DNM3: variants seen among roughly 807,000 people sequenced by gnomAD.
DNM3 encodes the protein dynamin-3.
DNM3 carries 47 observed loss-of-function variants against 101.6 expected under a neutral mutation model. That is an observed-to-expected ratio of 0.46 (90% CI 0.37 to 0.59). The LOEUF is 0.59. Ranked by LOEUF, DNM3 falls within the 20% of genes least tolerant of loss-of-function variation. DNM3 has a pLI of 0.00. For missense variants in DNM3, 849 were observed against 1,085.7 expected (o/e 0.78, Z 3.06); for synonymous variants, 385 against 387.9 (o/e 0.99, Z 0.09).
chr1:171,841,550 C>G lies in DNM3; in HGVS notation c.-107C>G. Reference sequence around the variant, plus strand: ...CTCCGACGTCTGCGCCAGGACCTGGCTGGCTGAGCCCGGCGCAGCAGCAGC... The same window carrying G: ...CTCCGACGTCTGCGCCAGGACCTGGGTGGCTGAGCCCGGCGCAGCAGCAGC... On this transcript the variant is annotated 5_prime_UTR_variant, in exon 1 of 21. Coordinates refer to ENST00000627582, the MANE Select transcript of DNM3 (RefSeq NM_015569.5). 1 of 1,447,272 alleles carries G rather than the reference C, an allele frequency of 6.9e-7. No homozygotes were observed. The highest frequency in any genetic ancestry group is 9.1e-7 in the Non-Finnish European group (1 of 1,095,046). The allele number at this position is 1,447,272 out of a possible 1,614,324, so 89.7% of individuals were successfully genotyped here. A position where few individuals can be genotyped will look rare whatever the true frequency, so the allele number is the denominator to read the frequency against.
chr1:172,251,567 C>T (rs1488714780), intron 14 of DNM3, among the ~76,000 whole-genome samples: 1 of 151,950 alleles, frequency 6.6e-6, no homozygotes, highest in Admixed American at 6.6e-5. Context: ...TTTCATGTTC[C>T]CCAGGCTGCA....
intron 1 of DNM3, among the ~76,000 whole-genome samples, chr1:171,899,483 C>G (rs966876291): frequency 6.6e-6 from 1 of 152,148 alleles, no homozygotes; most frequent in Non-Finnish European, 1.5e-5. Flanking sequence ...ATTTCCTTGC[C>G]TACTTTGCAT....
chr1:172,253,732 T>A, intron 15 of DNM3, 50 bp downstream of exon 15: 1 of 1,281,246 alleles, frequency 7.8e-7, no homozygotes, highest in Non-Finnish European at 1.1e-6. Flanking sequence ...CTTGAAGTTC[T>A]ACATGATTCA....
chr1:172,045,286 TG>T (rs2049703727), intron 9 of DNM3, among the ~76,000 whole-genome samples: 1 of 152,176 alleles, frequency 6.6e-6, no homozygotes, highest in Non-Finnish European at 1.5e-5. Context: ...ACAGACTGGG[TG>T]GCTTATAAAC....
At position 172,412,548 on chromosome 1, in the gene DNM3, C is replaced by A. The variant is rs931825742; in HGVS notation, c.*4707C>A. ...ATTAATATGAGCCGGATACTTTCCA[C>A]TGTCTTCTTGGCACTTTCAGGATTT... On this transcript the variant is annotated 3_prime_UTR_variant, in exon 21 of 21. Coordinates refer to ENST00000627582, the MANE Select transcript of DNM3 (RefSeq NM_015569.5). The A allele has an allele frequency of 1.0e-6, 1 of 985,558 alleles. No homozygotes were observed. The allele number at this position is 985,558 out of a possible 1,614,324, so 61.1% of individuals were successfully genotyped here.
chr1:172,378,140 G>A (rs1247659223), intron 17 of DNM3: 1 of 152,052 alleles, frequency 6.6e-6, no homozygotes, highest in Non-Finnish European at 1.5e-5. Flanking sequence ...CCTGTGTCAT[G>A]TTCTGGGGCT....
chr1:172,279,654 T>G lies in DNM3; in HGVS notation c.1769+25972T>G, dbSNP rs148864509. On this transcript the variant is annotated intron_variant, in intron 15 of 20. Transcript: ENST00000627582. ...AGACATGCTCCTCCAATCTCCCAGTTGCTCATGCTGGAAACTTAAACATCA... is the reference window on the plus strand; with the variant it reads ...AGACATGCTCCTCCAATCTCCCAGTGGCTCATGCTGGAAACTTAAACATCA... Among the ~76,000 whole-genome samples, 726 of 152,288 alleles carry G rather than the reference T, an allele frequency of 4.8e-3. 3 individuals are homozygous for G. Among genetic ancestry groups the G allele is most frequent in the African/African-American group, 0.016 (685 of 41,576 alleles).
intron 14 of DNM3, chr1:172,133,053 TC>T (rs2057026265): frequency 6.8e-7 from 1 of 1,472,958 alleles, no homozygotes; most frequent in African/African-American, 1.4e-5. Context: ...GCCAACCTCA[TC>T]CCACAGAGGA....
chr1:172,150,297 T>C (rs572046539), intron 14 of DNM3, among the ~76,000 whole-genome samples: 1 of 152,180 alleles, frequency 6.6e-6, no homozygotes, highest in African/African-American at 2.4e-5. Context: ...AATTGGTTCA[T>C]GTTGAAAGGT....
chr1:172,009,178 A>G (rs2046952837), intron 4 of DNM3, among the ~76,000 whole-genome samples: 1 of 141,948 alleles, frequency 7.0e-6, no homozygotes, highest in African/African-American at 2.6e-5. Flanking sequence ...ATAATGTATT[A>G]ATATATATTA....
chr1:172,003,618 C>T (rs544449686), intron 4 of DNM3, among the ~76,000 whole-genome samples: 1 of 151,712 alleles, frequency 6.6e-6, no homozygotes, highest in Non-Finnish European at 1.5e-5. Flanking sequence ...TGAGTGGCTG[C>T]CAGGTACCTT....
chr1:172,094,232 A>G (rs1334620548), intron 13 of DNM3, among the ~76,000 whole-genome samples: 13 of 152,234 alleles, frequency 8.5e-5, no homozygotes, highest in Non-Finnish European at 1.5e-5. Context: ...TTAAAAAAAC[A>G]GAAAAGCAAA....
chr1:172,388,599 A>C lies in DNM3; in HGVS notation c.2312A>C (p.Gln771Pro), dbSNP rs753247830. 1 of 1,613,984 alleles carries C rather than the reference A, an allele frequency of 6.2e-7. No homozygotes were observed. The highest frequency in any genetic ancestry group is 1.3e-5 in the African/African-American group (1 of 75,034). The change falls in exon 20 of 21, where the codon CAA (glutamine) becomes CCA (proline). Residue 771 changes from glutamine to proline, a missense_variant. This residue lies in a region of DNM3 where 256 missense variants were observed against 311.7 expected (regional missense o/e 0.82). Transcript: ENST00000627582. ...TCACCTCCTCCAAGCCCCACAACCC[A>C]AAGGAGGCCAACACTAAGTGCTCCC... ...RRSPPPSPTT[Q>P]RRPTLSAPLA...
At chr1:172,011,262 C>T (rs1162455990) in intron 4 of DNM3, among the ~76,000 whole-genome samples, 1 of 151,870 alleles carries the variant, frequency 6.6e-6, no homozygotes, top group East Asian at 1.9e-4. Context: ...AATTATTTGG[C>T]TTACAGCTTC....
At chr1:172,323,286 T>G in intron 16 of DNM3, 43 bp from the exon 17 acceptor site, 1 of 1,553,948 alleles carries the variant, frequency 6.4e-7, no homozygotes, top group Non-Finnish European at 8.7e-7. Flanking sequence ...TAAATTTCTG[T>G]TTAACATATT....
chr1:172,235,673 T>A (rs1475977593), intron 14 of DNM3, among the ~76,000 whole-genome samples: 1 of 152,096 alleles, frequency 6.6e-6, no homozygotes, highest in African/African-American at 2.4e-5. Context: ...CCATAAAAAA[T>A]GATGAGTTCA....
intron 14 of DNM3, among the ~76,000 whole-genome samples, chr1:172,201,634 G>C (rs2060156012): frequency 6.6e-6 from 1 of 152,186 alleles, no homozygotes; most frequent in African/African-American, 2.4e-5. Context: ...ACAGCTTGTT[G>C]TAGTGTGAAT....
At chr1:171,917,458 A>C (rs1041681822) in intron 1 of DNM3, among the ~76,000 whole-genome samples, 1 of 152,056 alleles carries the variant, frequency 6.6e-6, no homozygotes, top group African/African-American at 2.4e-5. Context: ...ATTGTACTCT[A>C]TTTTTTTGTC....
chr1:172,223,296 AC>A (rs2060980433), intron 14 of DNM3, among the ~76,000 whole-genome samples: 1 of 146,784 alleles, frequency 6.8e-6, no homozygotes, highest in African/African-American at 2.5e-5. Flanking sequence ...TTTACTATCA[AC>A]AGAACCTCAT....
Sources: allele counts gnomAD v4.1 joint callset (sites outside exome capture counted in the v4.1 genomes callset), GRCh38; gene constraint gnomAD v4.1.1; regional missense constraint gnomAD v4.1.1; transcripts MANE v1.5; gene names NCBI Gene and HGNC (gene_info 2026-07-23, HGNC 2026-07-21).